NOSTRIN: variants seen among roughly 807,000 people sequenced by gnomAD.
The protein encoded by NOSTRIN is BM247 homolog.
Under a neutral mutation model 59.0 loss-of-function variants are expected in NOSTRIN, and 63 were observed. That is an observed-to-expected ratio of 1.07 (90% CI 0.87 to 1.32). The LOEUF (loss-of-function observed/expected upper bound fraction) is 1.32, where lower values mean the gene tolerates loss of function less well. Among genes scored for constraint, NOSTRIN ranks in the 40% most tolerant of loss-of-function variants. The pLI is 0.00. For synonymous variants in NOSTRIN, 200 were observed against 165.4 expected (o/e 1.21, Z -1.61); for missense variants, 512 against 473.1 (o/e 1.08, Z -0.76).
At chr2:168,817,357 T>A (rs830030) in intron 2 of NOSTRIN, among the ~76,000 whole-genome samples, 61,049 of 152,070 alleles carry the variant, frequency 0.4, 12,677 homozygotes, top group South Asian at 0.61. Context: ...TCAAACCTTA[T>A]AGCTCAAGGG....
At chr2:168,820,981 T>C (rs1388073328) in intron 2 of NOSTRIN, among the ~76,000 whole-genome samples, 1 of 152,184 alleles carries the variant, frequency 6.6e-6, no homozygotes, top group Non-Finnish European at 1.5e-5. Flanking sequence ...CCATTCAGGA[T>C]TGTTCTGGAG....
At chr2:168,813,249 G>GT (rs1359736732) in intron 2 of NOSTRIN, among the ~76,000 whole-genome samples, 1 of 152,184 alleles carries the variant, frequency 6.6e-6, no homozygotes, top group African/African-American at 2.4e-5. Flanking sequence ...ATCTATGCAT[G>GT]TATCAGCCAG....
rs187883160 is a variant in NOSTRIN, at chr2:168,840,337, G to A, written c.505-2655G>A. Among the ~76,000 whole-genome samples the A allele has an allele frequency of 5.6e-3, 843 of 151,844 alleles. 26 individuals carry two copies. In the East Asian group the frequency reaches 0.083, roughly 15 times the overall value. On this transcript the variant is annotated intron_variant, in intron 7 of 15. Coordinates refer to ENST00000317647, the MANE Select transcript of NOSTRIN (RefSeq NM_001039724.4). ...CGAGGTCAGGAGATCGAGACCATCC[G>A]GGCTAACATGGTGAAACCCCGTCTC...
intron 7 of NOSTRIN, among the ~76,000 whole-genome samples, chr2:168,840,313 G>A (rs543539424): frequency 1.3e-3 from 195 of 152,134 alleles, no homozygotes; most frequent in Non-Finnish European, 2.5e-3. Flanking sequence ...GGCGGATCAC[G>A]AGGTCAGGAG....
At chr2:168,822,358 T>A (rs1246871167) in intron 2 of NOSTRIN, among the ~76,000 whole-genome samples, 2 of 150,190 alleles carry the variant, frequency 1.3e-5, no homozygotes, top group South Asian at 2.1e-4. Flanking sequence ...AAAAAAAAAA[T>A]GAATAGTAAT....
At chr2:168,861,038 G>A (rs753944995) in intron 14 of NOSTRIN, 129 bp downstream of exon 14, 17 of 610,064 alleles carry the variant, frequency 2.8e-5, no homozygotes, top group African/African-American at 1.1e-4. Flanking sequence ...CATTGGGACC[G>A]ATTAATTTGT....
chr2:168,840,470 C>A (rs1173260338), intron 7 of NOSTRIN, among the ~76,000 whole-genome samples: 2 of 138,616 alleles, frequency 1.4e-5, no homozygotes. Flanking sequence ...GCGGAGCTTG[C>A]AGTGAGCTGA....
intron 15 of NOSTRIN, among the ~76,000 whole-genome samples, chr2:168,864,052 C>CCGT (rs990462434): frequency 3.3e-5 from 5 of 151,470 alleles, no homozygotes; most frequent in African/African-American, 1.2e-4. Context: ...ACTGCAACCT[C>CCGT]CGTCTCCTGG....
intron 6 of NOSTRIN, among the ~76,000 whole-genome samples, chr2:168,832,349 T>C (rs770525304): frequency 6.6e-6 from 1 of 152,118 alleles, no homozygotes; most frequent in Non-Finnish European, 1.5e-5. Flanking sequence ...AACAATGTAG[T>C]ATAGGAGGAA....
chr2:168,822,861 C>T (rs934925655), intron 2 of NOSTRIN, among the ~76,000 whole-genome samples: 2 of 152,174 alleles, frequency 1.3e-5, no homozygotes, highest in African/African-American at 4.8e-5. Context: ...TGTTGGCTAC[C>T]ACTGCCGATT....
rs944001957 is a variant in NOSTRIN at position 168,828,277 on chromosome 2, T to C, written c.260+57T>C. 21 of 872,126 alleles carry C rather than the reference T, an allele frequency of 2.4e-5. No homozygotes were observed. In the African/African-American group the frequency reaches 2.8e-4, roughly 11 times the overall value. 54.0% of individuals were successfully genotyped at this position (872,126 alleles called of 1,614,324 possible). Reference sequence around the variant, plus strand: ...TCCAAAGGGAATCAAATATTTAAAGTGGGTTTGCTACAAATATTCCACTTC... The same window carrying C: ...TCCAAAGGGAATCAAATATTTAAAGCGGGTTTGCTACAAATATTCCACTTC... On this transcript the variant is annotated intron_variant, in intron 4 of 15. Coordinates refer to ENST00000317647, the MANE Select transcript of NOSTRIN (RefSeq NM_001039724.4).
At chr2:168,864,465 T>C (rs1689723406) in intron 15 of NOSTRIN, among the ~76,000 whole-genome samples, 1 of 150,452 alleles carries the variant, frequency 6.6e-6, no homozygotes, top group Non-Finnish European at 1.5e-5. Flanking sequence ...TTTGTATTTT[T>C]AGCAGAGAAG....
chr2:168,864,544 C>G (rs1479770664), intron 15 of NOSTRIN, among the ~76,000 whole-genome samples: 1 of 152,208 alleles, frequency 6.6e-6, no homozygotes, highest in African/African-American at 2.4e-5. Context: ...CTTGGCCTCC[C>G]AAAGTGCTGG....
At chr2:168,863,719 A>C in intron 15 of NOSTRIN, 1 of 907,408 alleles carries the variant, frequency 1.1e-6, no homozygotes, top group Non-Finnish European at 1.3e-6. Flanking sequence ...ATGCAGAGAC[A>C]TTGTCTTGAT....
chr2:168,816,373 G>A (rs753537026), intron 2 of NOSTRIN, among the ~76,000 whole-genome samples: 30 of 152,024 alleles, frequency 2.0e-4, no homozygotes, highest in Admixed American at 1.2e-3. Context: ...AAGGGCCTTC[G>A]AGAGCTGAAC....
chr2:168,859,158 G>A (rs1689289862), intron 12 of NOSTRIN: 2 of 180,086 alleles, frequency 1.1e-5, no homozygotes, highest in South Asian at 1.6e-4. Context: ...CACCTTCTTC[G>A]CAGACCACCA....
chr2:168,790,645 C>G (rs1272793777), intron 2 of NOSTRIN, among the ~76,000 whole-genome samples: 1 of 152,210 alleles, frequency 6.6e-6, no homozygotes, highest in Non-Finnish European at 1.5e-5. Context: ...CAAGGAGGAG[C>G]TAAGAACTGT....
At chr2:168,863,528 G>A in intron 15 of NOSTRIN, 2 of 985,274 alleles carry the variant, frequency 2.0e-6, no homozygotes, top group Non-Finnish European at 2.4e-6. Context: ...CATGTTTCTT[G>A]TCCAATTCTC....
intron 1 of NOSTRIN, 118 bp from the exon 2 acceptor site, chr2:168,811,449 A>T (rs1297658922): frequency 1.0e-5 from 5 of 501,628 alleles, no homozygotes; most frequent in African/African-American, 2.0e-5. Flanking sequence ...TAGCTGCACG[A>T]TCCTTTATAA....
Sources: allele counts gnomAD v4.1 joint callset (sites outside exome capture counted in the v4.1 genomes callset), GRCh38; gene constraint gnomAD v4.1.1; transcripts MANE v1.5; gene names NCBI Gene and HGNC (gene_info 2026-07-23, HGNC 2026-07-21).